Variants in HTR1F observed in about 807,000 individuals in gnomAD.
The protein encoded by HTR1F is 5-hydroxytryptamine (serotonin) receptor 1F, G protein-coupled.
Under a neutral mutation model 24.0 loss-of-function variants are expected in HTR1F, and 17 were observed. The ratio of observed to expected loss-of-function variants is 0.71; its 90% confidence interval spans 0.48 to 1.06. HTR1F has a LOEUF of 1.06. Among genes scored for constraint, HTR1F ranks in the 50% least tolerant of loss-of-function variants. The pLI is 0.00. For missense variants in HTR1F, 391 were observed against 427.8 expected, an observed-to-expected ratio of 0.91 and a Z score of 0.76; for synonymous variants, 186 against 156.8, an observed-to-expected ratio of 1.19 and a Z score of -1.39.
chr3:87,850,670 T>C (rs1336910011), intron 2 of HTR1F, among the ~76,000 whole-genome samples: 3 of 151,732 alleles, frequency 2.0e-5, no homozygotes, highest in African/African-American at 7.3e-5. Context: ...AAATTAAGTA[T>C]GTCAATAGAA....
intron 2 of HTR1F, among the ~76,000 whole-genome samples, chr3:87,841,677 A>G (rs1315101582): frequency 6.6e-6 from 1 of 151,762 alleles, no homozygotes; most frequent in Non-Finnish European, 1.5e-5. Flanking sequence ...AGGCAGGCAG[A>G]TCACCTGGGG....
At chr3:87,885,908 G>A (rs1705929315) in intron 2 of HTR1F, among the ~76,000 whole-genome samples, 1 of 152,016 alleles carries the variant, frequency 6.6e-6, no homozygotes, top group Admixed American at 6.6e-5. Flanking sequence ...TTCTACCAGA[G>A]GTATAAAGGG....
chr3:87,809,314 A>C (rs1403787459), intron 1 of HTR1F, among the ~76,000 whole-genome samples: 1 of 151,938 alleles, frequency 6.6e-6, no homozygotes, highest in East Asian at 1.9e-4. Context: ...ATCACTCTTA[A>C]TCGTGCAAAC....
chr3:87,985,278 T>A (rs746178333), intron 2 of HTR1F, among the ~76,000 whole-genome samples: 2 of 151,690 alleles, frequency 1.3e-5, no homozygotes. Context: ...GAGGTTGCGG[T>A]GAGCCAGAGA....
intron 2 of HTR1F, among the ~76,000 whole-genome samples, chr3:87,899,336 T>A (rs2107322042): frequency 6.6e-6 from 1 of 152,314 alleles, no homozygotes; most frequent in East Asian, 1.9e-4. Flanking sequence ...ACCAGAATTC[T>A]TTCATTAAAA....
chr3:87,944,198 G>T (rs193152482), intron 2 of HTR1F, among the ~76,000 whole-genome samples: 29 of 152,258 alleles, frequency 1.9e-4, no homozygotes, highest in Admixed American at 1.8e-3. Context: ...GTGCTCAGGG[G>T]TGAGTCCTAG....
intron 2 of HTR1F, among the ~76,000 whole-genome samples, chr3:87,938,481 G>C (rs1704482199): frequency 6.6e-6 from 1 of 152,190 alleles, no homozygotes; most frequent in African/African-American, 2.4e-5. Flanking sequence ...TAATAGCCAA[G>C]AGAATCCTAA....
chr3:87,974,730 G>A (rs1011387080), intron 2 of HTR1F, among the ~76,000 whole-genome samples: 6 of 152,128 alleles, frequency 3.9e-5, no homozygotes, highest in Admixed American at 1.3e-4. Flanking sequence ...AGGTGTATGT[G>A]TCTTTTCCTG....
At chr3:87,803,101 T>C (rs764517818) in intron 1 of HTR1F, among the ~76,000 whole-genome samples, 7 of 152,194 alleles carry the variant, frequency 4.6e-5, no homozygotes, top group Non-Finnish European at 1.5e-5. Context: ...AAAAGGAACC[T>C]GGATTTCAAA....
intron 2 of HTR1F, among the ~76,000 whole-genome samples, chr3:87,934,735 CA>C (rs1704370099): frequency 6.6e-6 from 1 of 152,304 alleles, no homozygotes; most frequent in Admixed American, 6.5e-5. Flanking sequence ...AAGCATTTTG[CA>C]ATGCTGTATC....
chr3:87,913,244 C>T (rs764937517), intron 2 of HTR1F, among the ~76,000 whole-genome samples: 24 of 151,906 alleles, frequency 1.6e-4, no homozygotes, highest in South Asian at 4.1e-4. Context: ...CATTAAAAGA[C>T]AGAAAATAGC....
intron 2 of HTR1F, among the ~76,000 whole-genome samples, chr3:87,936,558 T>C (rs985025862): frequency 7.9e-5 from 12 of 152,172 alleles, no homozygotes; most frequent in African/African-American, 2.7e-4. Context: ...TCCAATAAGA[T>C]ACCACAGACT....
intron 2 of HTR1F, among the ~76,000 whole-genome samples, chr3:87,858,511 C>T (rs1705248491): frequency 1.3e-5 from 2 of 152,228 alleles, no homozygotes; most frequent in African/African-American, 2.4e-5. Flanking sequence ...CATCCTAATC[C>T]CATGTCCAAC....
chr3:87,853,903 T>C (rs1167571254), intron 2 of HTR1F, among the ~76,000 whole-genome samples: 1 of 152,184 alleles, frequency 6.6e-6, no homozygotes, highest in East Asian at 1.9e-4. Context: ...CACTTTTTAA[T>C]GGGGTTATTT....
At chr3:87,867,804 A>C (rs1705460823) in intron 2 of HTR1F, among the ~76,000 whole-genome samples, 2 of 152,176 alleles carry the variant, frequency 1.3e-5, no homozygotes, top group Admixed American at 1.3e-4. Flanking sequence ...CACATTGTAC[A>C]AAATAGTAGG....
chr3:87,815,040 G>A (rs916173197), intron 1 of HTR1F, among the ~76,000 whole-genome samples: 1 of 151,996 alleles, frequency 6.6e-6, no homozygotes, highest in African/African-American at 2.4e-5. Flanking sequence ...TTGTTATTTT[G>A]TAGCCTCTAT....
rs569566640 is a variant in HTR1F at position 87,975,110 on chromosome 3, G to C, written c.-42-15598G>C. 3.9e-5 allele frequency among the ~76,000 whole-genome samples: 6 copies of C among 152,082 alleles called. No homozygotes were observed. The South Asian group carries it at 1.2e-3, about 32-fold the overall frequency. On this transcript the variant is annotated intron_variant, in intron 2 of 2. Coordinates refer to ENST00000319595, the MANE Select transcript of HTR1F (RefSeq NM_001322209.2). ...TATTTATTAAAATACTTTCAACCTA[G>C]AAATAATAATTGCTACTCTTATAGG... is the stretch of plus-strand genomic sequence containing the variant.
chr3:87,963,428 C>T (rs1705103051), intron 2 of HTR1F, among the ~76,000 whole-genome samples: 1 of 152,084 alleles, frequency 6.6e-6, no homozygotes, highest in African/African-American at 2.4e-5. Context: ...ATTGCCTAAA[C>T]ATGAAGAACT....
At chr3:87,973,213 T>C (rs7356094) in intron 2 of HTR1F, among the ~76,000 whole-genome samples, 127,660 of 151,584 alleles carry the variant, frequency 0.84, 54,406 homozygotes, top group East Asian at 0.96. Flanking sequence ...GGACTCTAAT[T>C]TTTACCTATT....
Sources: allele counts gnomAD v4.1 joint callset (sites outside exome capture counted in the v4.1 genomes callset), GRCh38; gene constraint gnomAD v4.1.1; transcripts MANE v1.5; gene names NCBI Gene and HGNC (gene_info 2026-07-23, HGNC 2026-07-21).